The following RSPH14 variants were observed in gnomAD, a reference collection of about 807,000 sequenced individuals.
RSPH14 encodes the protein radial spoke head 14 homolog.
RSPH14 carries 20 observed loss-of-function variants against 26.7 expected under a neutral mutation model. That is an observed-to-expected ratio of 0.75 (90% CI 0.53 to 1.09). The LOEUF (loss-of-function observed/expected upper bound fraction) is 1.09. Among genes scored for constraint, RSPH14 ranks in the 50% least tolerant of loss-of-function variants. RSPH14 has a pLI of 0.00. For synonymous variants in RSPH14, 177 were observed against 189.3 expected, an observed-to-expected ratio of 0.93 and a Z score of 0.53; for missense variants, 449 against 457.2, an observed-to-expected ratio of 0.98 and a Z score of 0.16.
chr22:23,126,858 C>T (rs1442418055), intron 4 of RSPH14, among the ~76,000 whole-genome samples: 1 of 152,236 alleles, frequency 6.6e-6, no homozygotes, highest in Non-Finnish European at 1.5e-5. Flanking sequence ...TGGGATATTG[C>T]CATCCTCACC....
the RSPH14 span, among the ~76,000 whole-genome samples, chr22:23,151,634 T>G: frequency 6.6e-6 from 1 of 152,156 alleles, no homozygotes. Flanking sequence ...GTAGTCCCAG[T>G]TACTCAGGAG....
intron 4 of RSPH14, among the ~76,000 whole-genome samples, chr22:23,075,503 C>G (rs1049382251): frequency 6.6e-6 from 1 of 152,194 alleles, no homozygotes; most frequent in Non-Finnish European, 1.5e-5. Context: ...GGCTTCTTTG[C>G]GTTCATCTCT....
At chr22:23,080,167 A>T (rs2068636377) in intron 4 of RSPH14, among the ~76,000 whole-genome samples, 1 of 152,116 alleles carries the variant, frequency 6.6e-6, no homozygotes, top group Non-Finnish European at 1.5e-5. Flanking sequence ...GAACCTTTGC[A>T]TATTGATTTA....
At chr22:23,069,300 G>C (rs942472558) in intron 4 of RSPH14, among the ~76,000 whole-genome samples, 8 of 152,206 alleles carry the variant, frequency 5.3e-5, no homozygotes, top group African/African-American at 1.9e-4. Flanking sequence ...TAAGGAACGC[G>C]TTAGCTGGGA....
At chr22:23,096,715 A>G (rs972999536) in intron 4 of RSPH14, among the ~76,000 whole-genome samples, 10 of 152,222 alleles carry the variant, frequency 6.6e-5, no homozygotes, top group African/African-American at 2.4e-4. Flanking sequence ...TGGCAAATCC[A>G]TGAAGCTCCT....
At chr22:23,105,299 C>T (rs1284604810) in intron 4 of RSPH14, among the ~76,000 whole-genome samples, 1 of 152,268 alleles carries the variant, frequency 6.6e-6, no homozygotes, top group African/African-American at 2.4e-5. Flanking sequence ...TCCTGCCCCA[C>T]AGGGCCACCC....
At chr22:23,112,710 C>T (rs889117947) in intron 4 of RSPH14, among the ~76,000 whole-genome samples, 4 of 152,170 alleles carry the variant, frequency 2.6e-5, no homozygotes, top group African/African-American at 7.2e-5. Context: ...GATGCAGCTG[C>T]GACCTGTAGA....
chr22:23,150,437 G>A, the RSPH14 span, among the ~76,000 whole-genome samples: 8 of 151,982 alleles, frequency 5.3e-5, no homozygotes, highest in Non-Finnish European at 2.9e-5. Flanking sequence ...GAGTAGCGGG[G>A]ACTACAGGCG....
chr22:23,064,087 C>T lies in RSPH14; in HGVS notation c.468G>A (p.Trp156Ter). The change falls in exon 5 of 7, where the codon TGG becomes TGA. Residue 156 changes from tryptophan (W) to a stop codon, truncating the protein, a stop_gained. Coordinates refer to ENST00000216036, the MANE Select transcript of RSPH14 (RefSeq NM_014433.3). LOFTEE classifies it high-confidence loss of function. ...ISKGLISSLV[W>*]KLQVEVEEEE... Reference sequence around the variant, plus strand: ...CCTCCTCCACCTCCACCTGCAGCTTCCATACCAGTGAGGAAATCAGACCTT... The same window carrying T: ...CCTCCTCCACCTCCACCTGCAGCTTTCATACCAGTGAGGAAATCAGACCTT... 1 of 1,614,192 alleles carries T rather than the reference C, an allele frequency of 6.2e-7. No homozygotes were observed.
At chr22:23,087,912 C>A (rs966961676) in intron 4 of RSPH14, among the ~76,000 whole-genome samples, 2 of 152,202 alleles carry the variant, frequency 1.3e-5, no homozygotes, top group African/African-American at 4.8e-5. Flanking sequence ...CTGCATGACT[C>A]CTAAACCATA....
At chr22:23,112,111 C>T (rs1266036965) in intron 4 of RSPH14, among the ~76,000 whole-genome samples, 1 of 152,156 alleles carries the variant, frequency 6.6e-6, no homozygotes, top group Non-Finnish European at 1.5e-5. Flanking sequence ...ACACAGGCAC[C>T]CTCAGCCTCC....
At chr22:23,128,281 G>T (rs1044744568) in intron 4 of RSPH14, among the ~76,000 whole-genome samples, 1 of 152,204 alleles carries the variant, frequency 6.6e-6, no homozygotes, top group Admixed American at 6.5e-5. Context: ...CCTGGACTTA[G>T]CAGGAATGAT....
At chr22:23,075,606 A>AT (rs2146253759) in intron 4 of RSPH14, among the ~76,000 whole-genome samples, 1 of 152,324 alleles carries the variant, frequency 6.6e-6, no homozygotes, top group Non-Finnish European at 1.5e-5. Context: ...TGGAGAATCC[A>AT]TCAAAAAGTG....
chr22:23,161,105 C>A, the RSPH14 span: 1 of 1,348,958 alleles, frequency 7.4e-7, no homozygotes, highest in African/African-American at 1.5e-5. Context: ...AACTTGTGGC[C>A]CTCTCCTGTC....
At chr22:23,132,591 A>G (rs1180716709) in intron 4 of RSPH14, 1 of 151,910 alleles carries the variant, frequency 6.6e-6, no homozygotes, top group Non-Finnish European at 1.5e-5. Context: ...AAAATGAGAT[A>G]CTACTACACA....
chr22:23,138,946 GAAA>G lies in RSPH14; in HGVS notation c.200-7_200-5del, dbSNP rs10568631. The G allele has an allele frequency of 3.4e-3, 4,727 of 1,376,836 alleles. 5 individuals are homozygous for G. The highest frequency in any genetic ancestry group is 0.019 in the Middle Eastern group (101 of 5,420). 85.3% of individuals were successfully genotyped at this position (1,376,836 alleles called of 1,614,324 possible). A position where few individuals can be genotyped will look rare whatever the true frequency, so the allele number is the denominator to read the frequency against. On this transcript the variant is annotated splice_region_variant and splice_polypyrimidine_tract_variant and intron_variant, in intron 2 of 6. Coordinates refer to ENST00000216036, the MANE Select transcript of RSPH14 (RefSeq NM_014433.3). ...GCTTTCAGGTTCTCCATACAGCCTAGAAAAAAAAAAAAAAACAAACAAACCAAC... is the reference window on the plus strand; with the variant it reads ...GCTTTCAGGTTCTCCATACAGCCTAGAAAAAAAAAAAACAAACAAACCAAC...
At chr22:23,157,081 C>T in the RSPH14 span, among the ~76,000 whole-genome samples, 2 of 152,158 alleles carry the variant, frequency 1.3e-5, no homozygotes, top group Non-Finnish European at 2.9e-5. Flanking sequence ...CCCTCAGGAC[C>T]CCAACAGGAC....
At position 23,134,082 on chromosome 22, in the gene RSPH14, G is replaced by A; in HGVS notation, c.365C>T (p.Pro122Leu). 1 of 1,613,686 alleles carries A rather than the reference G, an allele frequency of 6.2e-7. No homozygotes were observed. The highest frequency in any genetic ancestry group is 8.5e-7 in the Non-Finnish European group (1 of 1,179,734). Residue 122 changes from proline to leucine, a missense_variant, in exon 4 of 7, where the codon CCA (proline) becomes CTA (leucine). Transcript: ENST00000216036. Reference protein sequence around the residue: ...ALSFLLNDPSPVCRGNLYKAY... With the variant: ...ALSFLLNDPSLVCRGNLYKAY... ...CTTGTACAGGTTCCCCCGGCAGACT[G>A]GGCTGGGGTCATTCAGCAGGAAGGA... is the stretch of plus-strand genomic sequence containing the variant.
At position 23,071,872 on chromosome 22, in the gene RSPH14, C is replaced by T. The variant is rs2068387490; in HGVS notation, c.422-7739G>A. On this transcript the variant is annotated intron_variant, in intron 4 of 6. Coordinates refer to ENST00000216036, the MANE Select transcript of RSPH14 (RefSeq NM_014433.3). The surrounding 1 kb of genome is among the most constrained non-coding windows in gnomAD (Gnocchi z 4.1). ...GACCGAGGCACTTGGGCAGTTAGGT[C>T]TGATGGGAGCACTTAGCATGCCTGG... 6.6e-6 allele frequency among the ~76,000 whole-genome samples: 1 copy of T among 152,102 alleles called. No homozygotes were observed. The highest frequency in any genetic ancestry group is 1.9e-4 in the East Asian group (1 of 5,196).
Sources: allele counts gnomAD v4.1 joint callset (sites outside exome capture counted in the v4.1 genomes callset), GRCh38; gene constraint gnomAD v4.1.1; non-coding constraint Gnocchi (gnomAD v3.1); transcripts MANE v1.5; gene names NCBI Gene and HGNC (gene_info 2026-07-23, HGNC 2026-07-21).